Variants in RYK observed in about 807,000 individuals in gnomAD.
RYK encodes the protein inactive tyrosine-protein kinase RYK.
RYK carries 21 observed loss-of-function variants against 70.2 expected under a neutral mutation model. The ratio of observed to expected loss-of-function variants is 0.30; its 90% CI spans 0.21 to 0.43. The LOEUF is 0.43. Among genes scored for constraint, RYK ranks in the 20% least tolerant of loss-of-function variants. RYK has a pLI of 1.00. For synonymous variants in RYK, 267 were observed against 278.0 expected (o/e 0.96, Z 0.39); for missense variants, 604 against 753.3 (o/e 0.80, Z 2.32).
At chr3:134,207,325 C>G (rs2014246297) in intron 5 of RYK, 147 bp downstream of exon 5, 1 of 449,448 alleles carries the variant, frequency 2.2e-6, no homozygotes, top group African/African-American at 2.0e-5. Context: ...GACCTATCCA[C>G]CAGTCTACAA....
At chr3:134,199,708 G>A (rs2013927581) in intron 6 of RYK, among the ~76,000 whole-genome samples, 1 of 152,114 alleles carries the variant, frequency 6.6e-6, no homozygotes, top group Non-Finnish European at 1.5e-5. Context: ...TAGCTTGCCT[G>A]GCAGGTAATA....
At chr3:134,195,357 AT>A in intron 6 of RYK, 175 bp from the exon 7 acceptor site, 1 of 505,364 alleles carries the variant, frequency 2.0e-6, no homozygotes, top group East Asian at 3.8e-5. Context: ...ATAGAGCTCT[AT>A]TTTTTCTTTC....
chr3:134,242,087 C>T (rs2107696711), intron 1 of RYK, among the ~76,000 whole-genome samples: 1 of 152,224 alleles, frequency 6.6e-6, no homozygotes, highest in South Asian at 2.1e-4. Context: ...GGTGGATCAC[C>T]TGAGGTCAGG....
At chr3:134,222,122 C>CA (rs1318186086) in intron 2 of RYK, among the ~76,000 whole-genome samples, 1 of 152,114 alleles carries the variant, frequency 6.6e-6, no homozygotes, top group Non-Finnish European at 1.5e-5. Context: ...TTATTGGGTC[C>CA]AACTGTACCC....
chr3:134,235,316 T>G (rs531852741), intron 1 of RYK, among the ~76,000 whole-genome samples: 1 of 151,476 alleles, frequency 6.6e-6, no homozygotes, highest in Non-Finnish European at 1.5e-5. Flanking sequence ...TTTTTCTTCT[T>G]TACAAATATT....
intron 10 of RYK, chr3:134,178,292 G>T: frequency 2.5e-6 from 1 of 395,212 alleles, no homozygotes; most frequent in Non-Finnish European, 4.4e-6. Context: ...TTCTTGGTAG[G>T]GAAAAATCAT....
intron 1 of RYK, among the ~76,000 whole-genome samples, chr3:134,232,957 G>T (rs922339355): frequency 6.6e-6 from 1 of 152,248 alleles, no homozygotes; most frequent in Non-Finnish European, 1.5e-5. Flanking sequence ...TCTATTTCAA[G>T]AATATTTAAA....
At chr3:134,199,058 TC>T (rs899515966) in intron 6 of RYK, among the ~76,000 whole-genome samples, 9 of 152,144 alleles carry the variant, frequency 5.9e-5, no homozygotes, top group Non-Finnish European at 1.3e-4. Context: ...CTGCAGGACT[TC>T]AGGGTGAATG....
intron 9 of RYK, among the ~76,000 whole-genome samples, chr3:134,187,445 A>G (rs2013500816): frequency 6.6e-6 from 1 of 152,160 alleles, no homozygotes; most frequent in African/African-American, 2.4e-5. Flanking sequence ...AGATATTATT[A>G]GCATGTCTTC....
chr3:134,202,021 A>G (rs912843041), intron 6 of RYK, among the ~76,000 whole-genome samples: 8 of 152,014 alleles, frequency 5.3e-5, no homozygotes, highest in Non-Finnish European at 1.5e-5. Flanking sequence ...ACACTTTACT[A>G]TACATATCAC....
intron 6 of RYK, among the ~76,000 whole-genome samples, chr3:134,201,819 G>A (rs1464792172): frequency 6.6e-6 from 1 of 152,218 alleles, no homozygotes; most frequent in Non-Finnish European, 1.5e-5. Flanking sequence ...ATAAAGGAGG[G>A]CTTTCAAAGA....
At position 134,158,244 on chromosome 3, in the gene RYK, C is replaced by T; in HGVS notation, c.1733G>A (p.Cys578Tyr). 6.4e-7 allele frequency: 1 copy of T among 1,567,018 alleles called. No individual in the cohort carries two copies. Among genetic ancestry groups the T allele is most frequent in the Non-Finnish European group, 8.7e-7 (1 of 1,154,552 alleles). Residue 578 changes from cysteine to tyrosine, a missense_variant, in exon 15 of 15, where the codon TGC (cysteine) becomes TAC (tyrosine). By Grantham distance (194) the Cys-to-Tyr change is radical (BLOSUM62 -2). Transcript: ENST00000623711. The stretch of plus-strand genomic sequence containing the variant: ...CCTCTCCTCTGGATCTAAGGCCCAG[C>T]AACAGGCCATCACAGCAAATCTGCA... The part of the protein sequence containing the change: ...PDELFAVMAC[C>Y]WALDPEERPK...
At chr3:134,201,688 G>A (rs1320910433) in intron 6 of RYK, among the ~76,000 whole-genome samples, 1 of 152,164 alleles carries the variant, frequency 6.6e-6, no homozygotes, top group Non-Finnish European at 1.5e-5. Context: ...ATGAACAAAA[G>A]TCCTGAAGGG....
At chr3:134,237,903 AGTG>A (rs2015232749) in intron 1 of RYK, among the ~76,000 whole-genome samples, 1 of 152,248 alleles carries the variant, frequency 6.6e-6, no homozygotes, top group Non-Finnish European at 1.5e-5. Flanking sequence ...TTCTGAGGAC[AGTG>A]GTAATATGAG....
rs775554119 is a variant in RYK at position 134,191,927 on chromosome 3, G to A, written c.937C>T (p.Leu313Phe). ...IEKNDLRSVT[L>F]LEAKGKVKDI... is the part of the protein sequence containing the mutation. The stretch of plus-strand genomic sequence containing the variant: ...TTCACCTTGCCTTTGGCCTCCAAAA[G>A]AGTGACACTTCTCAAGTCGTTCTTC... The change falls in exon 8 of 15, where the codon CTT (leucine) becomes TTT (phenylalanine). Residue 313 changes from leucine to phenylalanine, a missense_variant. Leu to Phe is a conservative substitution (Grantham distance 22). Transcript: ENST00000623711. 6.2e-6 allele frequency: 10 copies of A among 1,613,520 alleles called. No individual in the cohort carries two copies. The highest frequency in any genetic ancestry group is 4.0e-5 in the African/African-American group (3 of 75,024).
intron 1 of RYK, among the ~76,000 whole-genome samples, chr3:134,243,311 C>A (rs568585436): frequency 6.6e-6 from 1 of 152,286 alleles, no homozygotes; most frequent in South Asian, 2.1e-4. Context: ...CCTCACAAAT[C>A]CATCCCACCC....
chr3:134,217,650 T>C (rs1320821940), intron 2 of RYK, among the ~76,000 whole-genome samples: 3 of 152,212 alleles, frequency 2.0e-5, no homozygotes, highest in Non-Finnish European at 4.4e-5. Flanking sequence ...TTGAAAGATG[T>C]ATATATACAT....
Position 134,188,819 on chromosome 3 carries a change from AT to A in RYK, c.1102+17del, listed in dbSNP as rs1464265239. The stretch of plus-strand genomic sequence containing the variant: ...GACAGAAGAGCATCATGGAAATACT[AT>A]GGAAAAAAGATCCTACCTTTAACTG... On this transcript the variant is annotated intron_variant, in intron 9 of 14. Transcript: ENST00000623711. The A allele has an allele frequency of 2.1e-6, 3 of 1,451,470 alleles. No individual in the cohort carries two copies. Among genetic ancestry groups the A allele is most frequent in the Non-Finnish European group, 2.9e-6 (3 of 1,045,778 alleles). The allele number at this position is 1,451,470 out of a possible 1,614,324, so 89.9% of individuals were successfully genotyped here.
chr3:134,201,742 G>A (rs1344455230), intron 6 of RYK, among the ~76,000 whole-genome samples: 8 of 152,164 alleles, frequency 5.3e-5, no homozygotes, highest in Non-Finnish European at 1.2e-4. Context: ...CATTTGACTG[G>A]AGCGCAAGTA....
Sources: allele counts gnomAD v4.1 joint callset (sites outside exome capture counted in the v4.1 genomes callset), GRCh38; gene constraint gnomAD v4.1.1; transcripts MANE v1.5; gene names NCBI Gene and HGNC (gene_info 2026-07-23, HGNC 2026-07-21).